The following DISC1 variants were observed in gnomAD, a reference collection of about 807,000 sequenced individuals.
The protein encoded by DISC1 is DISC1 scaffold protein.
Under a neutral mutation model 84.5 loss-of-function variants are expected in DISC1, and 57 were observed. The observed-to-expected ratio is 0.67, with a 90% CI of 0.55 to 0.84. The LOEUF (loss-of-function observed/expected upper bound fraction) is 0.84. Ranked by LOEUF, DISC1 falls within the 40% of genes least tolerant of loss-of-function variation. The pLI, the probability that DISC1 is intolerant of heterozygous loss-of-function variation, is 0.00. For missense variants in DISC1, 1,000 were observed against 1,057.8 expected (o/e 0.95, Z 0.76); for synonymous variants, 411 against 415.2 (o/e 0.99, Z 0.12).
intron 9 of DISC1, among the ~76,000 whole-genome samples, chr1:231,923,799 G>A (rs1383767715): frequency 2.0e-5 from 3 of 152,164 alleles, no homozygotes; most frequent in Admixed American, 1.3e-4. Flanking sequence ...CTCCTGTGGC[G>A]CCTTTGTATA....
At chr1:232,017,747 G>T (rs374608642) in intron 11 of DISC1, among the ~76,000 whole-genome samples, 9 of 152,116 alleles carry the variant, frequency 5.9e-5, no homozygotes, top group African/African-American at 2.2e-4. Flanking sequence ...TGACTTCTCT[G>T]CACAGCCCCC....
At chr1:231,711,522 G>T (rs1234389440) in intron 3 of DISC1, among the ~76,000 whole-genome samples, 2 of 151,226 alleles carry the variant, frequency 1.3e-5, no homozygotes, top group Non-Finnish European at 2.9e-5. Context: ...GCCATGCCTG[G>T]CTAATTTTTT....
intron 9 of DISC1, among the ~76,000 whole-genome samples, chr1:231,936,036 TG>T (rs1225106561): frequency 1.3e-5 from 2 of 152,086 alleles, no homozygotes; most frequent in Non-Finnish European, 2.9e-5. Flanking sequence ...GCTGCCCCTT[TG>T]AAAGAGAGGA....
chr1:231,756,805 A>G (rs531026258), intron 4 of DISC1, among the ~76,000 whole-genome samples: 14 of 152,228 alleles, frequency 9.2e-5, no homozygotes, highest in Non-Finnish European at 1.8e-4. Context: ...ACTGGTTTCT[A>G]AACTAAAGTT....
chr1:231,782,480 G>A (rs1402157093), intron 6 of DISC1, among the ~76,000 whole-genome samples: 1 of 152,122 alleles, frequency 6.6e-6, no homozygotes, highest in Non-Finnish European at 1.5e-5. Context: ...CTGTGCATAT[G>A]CTTATTCTTA....
chr1:231,969,200 T>G lies in DISC1; in HGVS notation c.2042+10312T>G, dbSNP rs576306180. On this transcript the variant is annotated intron_variant, in intron 10 of 12. Coordinates refer to ENST00000439617, the MANE Select transcript of DISC1 (RefSeq NM_018662.3). ...AACACTCAGCGGTTTTTTTTTTTTTTTTTTTTTTTTTGCTGTCTGCCCTTT... is the reference window on the plus strand; with the variant it reads ...AACACTCAGCGGTTTTTTTTTTTTTGTTTTTTTTTTTGCTGTCTGCCCTTT... Among the ~76,000 whole-genome samples, 71 of 146,876 alleles carry G rather than the reference T, an allele frequency of 4.8e-4. 1 individual carries two copies. Among genetic ancestry groups the G allele is most frequent in the African/African-American group, 1.7e-3 (66 of 38,306 alleles).
chr1:231,950,962 T>A (rs573428066), intron 9 of DISC1, among the ~76,000 whole-genome samples: 141 of 152,146 alleles, frequency 9.3e-4, no homozygotes, highest in Non-Finnish European at 1.8e-3. Flanking sequence ...GGCAGAACTC[T>A]CTGAGGGTGG....
At chr1:231,640,310 A>G (rs2059528408) in intron 1 of DISC1, among the ~76,000 whole-genome samples, 1 of 152,182 alleles carries the variant, frequency 6.6e-6, no homozygotes, top group African/African-American at 2.4e-5. Flanking sequence ...GCCACCAGGT[A>G]TAGCGCTGCA....
At chr1:231,707,754 C>A (rs950079982) in intron 3 of DISC1, among the ~76,000 whole-genome samples, 1 of 152,138 alleles carries the variant, frequency 6.6e-6, no homozygotes, top group African/African-American at 2.4e-5. Context: ...TGCTCTGGTG[C>A]CAATCATAAC....
Position 231,866,803 on chromosome 1 carries a change from T to G in DISC1, c.1981+48286T>G, listed in dbSNP as rs1048343621. 4.7e-6 allele frequency: 5 copies of G among 1,066,550 alleles called. No homozygotes were observed. The Middle Eastern group carries it at 1.0e-3, about 222-fold the overall frequency. The allele number at this position is 1,066,550 out of a possible 1,614,324, so 66.1% of individuals were successfully genotyped here. On this transcript the variant is annotated intron_variant, in intron 9 of 12. Coordinates refer to ENST00000439617, the MANE Select transcript of DISC1 (RefSeq NM_018662.3). ...TATAATTAATCTGTAATTAAAGTCA[T>G]GATAGTTTCTTAATACGAGGAAATG...
At chr1:231,959,128 T>A in intron 10 of DISC1, 1 of 1,203,254 alleles carries the variant, frequency 8.3e-7, no homozygotes, top group South Asian at 2.8e-5. Context: ...CACAGGAGAG[T>A]TTTCATGTTC....
chr1:231,822,330 TC>T (rs2125780974), intron 9 of DISC1, among the ~76,000 whole-genome samples: 1 of 152,216 alleles, frequency 6.6e-6, no homozygotes, highest in South Asian at 2.1e-4. Flanking sequence ...TGTAGGGTGA[TC>T]CATAAGCTAA....
intron 1 of DISC1, among the ~76,000 whole-genome samples, chr1:231,687,476 A>G (rs2064434913): frequency 6.6e-6 from 1 of 152,188 alleles, no homozygotes; most frequent in Non-Finnish European, 1.5e-5. Flanking sequence ...TATGGGGGAA[A>G]TTGCCCCCAT....
At chr1:231,891,905 C>T (rs1179327454) in intron 9 of DISC1, among the ~76,000 whole-genome samples, 1 of 152,196 alleles carries the variant, frequency 6.6e-6, no homozygotes, top group Non-Finnish European at 1.5e-5. Context: ...ACAATGCAGA[C>T]TCCATCCTCA....
chr1:231,802,009 G>C (rs891452213), intron 8 of DISC1, among the ~76,000 whole-genome samples: 2 of 151,818 alleles, frequency 1.3e-5, no homozygotes, highest in Admixed American at 1.3e-4. Context: ...TAGTAGAGAC[G>C]GGGTTTCACT....
At chr1:231,808,281 A>T (rs1404812799) in intron 8 of DISC1, among the ~76,000 whole-genome samples, 1 of 152,182 alleles carries the variant, frequency 6.6e-6, no homozygotes, top group East Asian at 1.9e-4. Context: ...CAGTGAGAGG[A>T]GAGCTGGCCT....
At chr1:232,011,274 C>A (rs948019891) in intron 11 of DISC1, among the ~76,000 whole-genome samples, 1 of 152,100 alleles carries the variant, frequency 6.6e-6, no homozygotes, top group African/African-American at 2.4e-5. Context: ...GGAGCCTTAT[C>A]CTAGGTCCTG....
At chr1:231,656,875 T>C (rs1036932412) in intron 1 of DISC1, among the ~76,000 whole-genome samples, 2 of 152,238 alleles carry the variant, frequency 1.3e-5, no homozygotes. Flanking sequence ...GATGAGAGCA[T>C]GCATTCTTTG....
At chr1:231,789,893 A>G (rs1411245589) in intron 6 of DISC1, among the ~76,000 whole-genome samples, 1 of 152,140 alleles carries the variant, frequency 6.6e-6, no homozygotes, top group East Asian at 1.9e-4. Context: ...TTTCATTTCT[A>G]ATGAATCATT....
Sources: allele counts gnomAD v4.1 joint callset (sites outside exome capture counted in the v4.1 genomes callset), GRCh38; gene constraint gnomAD v4.1.1; transcripts MANE v1.5; gene names NCBI Gene and HGNC (gene_info 2026-07-23, HGNC 2026-07-21).